The following DACH1 variants were observed in gnomAD, a reference collection of about 807,000 sequenced individuals.
DACH1 encodes dachshund homolog 1.
In DACH1, 12 loss-of-function variants were observed where a neutral mutation model predicts 54.2. The observed-to-expected ratio is 0.22, with a 90% CI of 0.14 to 0.36. The LOEUF (loss-of-function observed/expected upper bound fraction) is 0.36. DACH1 is among the 10% of genes least tolerant of loss of function. The probability of loss-of-function intolerance (pLI) is 1.00; values close to 1 mark genes in which losing one functional copy is unlikely to be tolerated. For missense variants in DACH1, 805 were observed against 929.8 expected, an observed-to-expected ratio of 0.87 and a Z score of 1.75; for synonymous variants, 386 against 366.2, an observed-to-expected ratio of 1.05 and a Z score of -0.62.
At chr13:71,493,625 T>G (rs1371985737) in intron 6 of DACH1, among the ~76,000 whole-genome samples, 1 of 152,162 alleles carries the variant, frequency 6.6e-6, no homozygotes, top group African/African-American at 2.4e-5. Context: ...TATTAGCTGC[T>G]TTGGACGTGG....
intron 1 of DACH1, among the ~76,000 whole-genome samples, chr13:71,828,985 GTTTTC>G (rs1294897253): frequency 6.6e-6 from 1 of 151,946 alleles, no homozygotes; most frequent in Non-Finnish European, 1.5e-5. Context: ...AAGACCAGTA[GTTTTC>G]TTTTCAATAC....
intron 1 of DACH1, among the ~76,000 whole-genome samples, chr13:71,865,589 G>T (rs924255546): frequency 1.3e-5 from 2 of 152,142 alleles, no homozygotes; most frequent in African/African-American, 2.4e-5. Context: ...GGGGCAGGGG[G>T]CTGTGGCTCC....
chr13:71,676,972 A>T (rs923913320), intron 2 of DACH1, among the ~76,000 whole-genome samples: 21 of 152,192 alleles, frequency 1.4e-4, no homozygotes, highest in African/African-American at 5.1e-4. Flanking sequence ...ATACTAAATA[A>T]TTTTTATATG....
intron 6 of DACH1, among the ~76,000 whole-genome samples, chr13:71,521,598 G>A (rs758253708): frequency 1.3e-5 from 2 of 152,040 alleles, no homozygotes; most frequent in Non-Finnish European, 2.9e-5. Context: ...TTTCCTCTAA[G>A]CAGATGTCCA....
rs1214984879 is a variant in DACH1 at position 71,866,497 on chromosome 13, G to A, written c.273C>T (p.Asn91=). 42 of 1,234,640 alleles carry A rather than the reference G, an allele frequency of 3.4e-5. No individual in the cohort carries two copies. The highest frequency in any genetic ancestry group is 3.8e-5 in the Non-Finnish European group (38 of 987,530). 76.5% of individuals were successfully genotyped at this position (1,234,640 alleles called of 1,614,324 possible). A position where few individuals can be genotyped will look rare whatever the true frequency, so the allele number is the denominator to read the frequency against. The change falls in exon 1 of 11, where the codon AAC becomes AAT. Residue 91 remains asparagine, a synonymous_variant. Coordinates refer to ENST00000613252, the MANE Select transcript of DACH1 (RefSeq NM_080759.6). ...GSGGGGGSSG[N]GGGGGGGGGG... ...CGCCGCCGCCGCCACCGCCGCCTCC[G>A]TTGCCGCTGCTGCCGCCGCCGCCTC...
chr13:71,504,339 T>C (rs1593800185), intron 6 of DACH1, among the ~76,000 whole-genome samples: 1 of 152,206 alleles, frequency 6.6e-6, no homozygotes, highest in Non-Finnish European at 1.5e-5. Flanking sequence ...CATTGTGTTA[T>C]CTGCATTCAT....
chr13:71,822,121 A>G (rs1309301493), intron 1 of DACH1, among the ~76,000 whole-genome samples: 1 of 152,152 alleles, frequency 6.6e-6, no homozygotes, highest in Non-Finnish European at 1.5e-5. Flanking sequence ...ATACATCCAC[A>G]TAAACCACAC....
rs576293090 is a variant in DACH1 at position 71,501,314 on chromosome 13, C to T, written c.1571-12166G>A. On this transcript the variant is annotated intron_variant, in intron 6 of 10. Transcript: ENST00000613252. ...CTTGGTTTTTCAGTCATCACATATA[C>T]GCATATATGAAAACAGGTGAAATGT... is the stretch of plus-strand genomic sequence containing the variant. 2.2e-4 allele frequency among the ~76,000 whole-genome samples: 33 copies of T among 152,034 alleles called. No homozygotes were observed. The South Asian group carries it at 5.2e-3, about 24-fold the overall frequency.
intron 1 of DACH1, among the ~76,000 whole-genome samples, chr13:71,805,117 C>T (rs377693252): frequency 2.6e-5 from 4 of 152,008 alleles, no homozygotes; most frequent in Admixed American, 1.3e-4. Context: ...CCAAATGGGG[C>T]GTAGAATATT....
chr13:71,671,694 T>G (rs572432768), intron 2 of DACH1, among the ~76,000 whole-genome samples: 1 of 152,112 alleles, frequency 6.6e-6, no homozygotes, highest in African/African-American at 2.4e-5. Flanking sequence ...AAAAATCGTA[T>G]TGTTTTGTAA....
chr13:71,492,096 T>C (rs1463086099), intron 6 of DACH1, among the ~76,000 whole-genome samples: 1 of 152,164 alleles, frequency 6.6e-6, no homozygotes, highest in Non-Finnish European at 1.5e-5. Flanking sequence ...TTTTTTTTTG[T>C]TTTCTTAAAA....
At chr13:71,820,212 C>T (rs1184247073) in intron 1 of DACH1, among the ~76,000 whole-genome samples, 1 of 151,294 alleles carries the variant, frequency 6.6e-6, no homozygotes, top group Non-Finnish European at 1.5e-5. Context: ...CAGTCCAGTG[C>T]ATCTACTGCA....
chr13:71,620,877 A>T (rs1488026306), intron 3 of DACH1, among the ~76,000 whole-genome samples: 2 of 151,632 alleles, frequency 1.3e-5, no homozygotes, highest in Non-Finnish European at 2.9e-5. Flanking sequence ...TGAATTATTT[A>T]TTTTTTTTAA....
intron 10 of DACH1, among the ~76,000 whole-genome samples, chr13:71,457,066 AT>A (rs1457516193): frequency 6.6e-6 from 1 of 152,026 alleles, no homozygotes; most frequent in Non-Finnish European, 1.5e-5. Flanking sequence ...GTTTTTCTTT[AT>A]TTACCAAGAC....
intron 1 of DACH1, among the ~76,000 whole-genome samples, chr13:71,827,588 T>A (rs1034673598): frequency 1.3e-5 from 2 of 152,030 alleles, no homozygotes; most frequent in African/African-American, 4.8e-5. Context: ...ATCAAAAGAT[T>A]GTCAACGTAC....
intron 1 of DACH1, among the ~76,000 whole-genome samples, chr13:71,848,355 T>G (rs778392192): frequency 6.6e-6 from 1 of 152,212 alleles, no homozygotes; most frequent in Non-Finnish European, 1.5e-5. Flanking sequence ...TATATGTATA[T>G]AAGGACTTTG....
chr13:71,738,983 T>C (rs991607098), intron 1 of DACH1, among the ~76,000 whole-genome samples: 3 of 152,010 alleles, frequency 2.0e-5, no homozygotes, highest in Non-Finnish European at 4.4e-5. Context: ...CCAGGCACGG[T>C]GGCTTACTCC....
At chr13:71,449,022 T>G (rs1874742015) in intron 10 of DACH1, among the ~76,000 whole-genome samples, 1 of 152,114 alleles carries the variant, frequency 6.6e-6, no homozygotes, top group East Asian at 1.9e-4. Flanking sequence ...GTCTGTACAC[T>G]CCAAATACAC....
intron 6 of DACH1, among the ~76,000 whole-genome samples, chr13:71,549,398 G>C (rs1226431107): frequency 6.6e-6 from 1 of 152,036 alleles, no homozygotes; most frequent in Non-Finnish European, 1.5e-5. Context: ...AGATTAAGTG[G>C]AATAATAGTT....
Sources: allele counts gnomAD v4.1 joint callset (sites outside exome capture counted in the v4.1 genomes callset), GRCh38; gene constraint gnomAD v4.1.1; transcripts MANE v1.5; gene names NCBI Gene and HGNC (gene_info 2026-07-23, HGNC 2026-07-21).